Variants in FRYL observed in about 807,000 individuals in gnomAD.
FRYL encodes FRY like transcription coactivator.
In FRYL, 150 loss-of-function variants were observed where a neutral mutation model predicts 351.2. The ratio of observed to expected loss-of-function variants is 0.43; its 90% confidence interval spans 0.37 to 0.49. The LOEUF (loss-of-function observed/expected upper bound fraction) is 0.49, where lower values mean the gene tolerates loss of function less well. Ranked by LOEUF, FRYL falls within the 20% of genes least tolerant of loss-of-function variation. The pLI, the probability that FRYL is intolerant of heterozygous loss-of-function variation, is 0.00. For synonymous variants in FRYL, 1,153 were observed against 1,257.1 expected (o/e 0.92, Z 1.75); for missense variants, 3,036 against 3,619.3 (o/e 0.84, Z 4.13).
chr4:48,575,537 T>C (rs1156929741), intron 24 of FRYL, among the ~76,000 whole-genome samples: 2 of 152,214 alleles, frequency 1.3e-5, no homozygotes, highest in Non-Finnish European at 2.9e-5. Flanking sequence ...TCCATGAACA[T>C]GAAGAAAACA....
Position 48,696,237 on chromosome 4 carries a change from C to T in FRYL, c.-203-11442G>A, listed in dbSNP as rs376897116. 1.1e-4 allele frequency among the ~76,000 whole-genome samples: 17 copies of T among 152,194 alleles called. 1 individual carries two copies. In the South Asian group the frequency reaches 1.7e-3, roughly 15 times the overall value. ...AAAGACACATGCACACATATGTTTA[C>T]TGCAGCACTATTTACAATAGCAAAG... is the stretch of plus-strand genomic sequence containing the variant. On this transcript the variant is annotated intron_variant, in intron 2 of 63. Transcript: ENST00000358350.
rs36223183 is a variant in FRYL at position 48,645,124 on chromosome 4, TTATA to T, written c.-80-10638_-80-10635del. ...ATTAAACCAGCAGTGAGCTTTCATT[TTATA>T]TATATATATATATATATATATATAT... On this transcript the variant is annotated intron_variant, in intron 3 of 63. Coordinates refer to ENST00000358350, the MANE Select transcript of FRYL (RefSeq NM_015030.2). 3.4e-3 allele frequency among the ~76,000 whole-genome samples: 357 copies of T among 105,466 alleles called. 31 individuals carry two copies. The highest frequency in any genetic ancestry group is 7.7e-3 in the South Asian group (27 of 3,514). The allele number at this position is 105,466 out of a possible 152,430, so 69.2% of individuals were successfully genotyped here. A position where few individuals can be genotyped will look rare whatever the true frequency, so the allele number is the denominator to read the frequency against.
At chr4:48,581,707 C>T in intron 20 of FRYL, 102 bp from the exon 21 acceptor site, 1 of 920,230 alleles carries the variant, frequency 1.1e-6, no homozygotes, top group Non-Finnish European at 1.6e-6. Context: ...ATTATGACTA[C>T]CGGTCTGCCT....
chr4:48,674,051 A>G (rs1469361869), intron 3 of FRYL, among the ~76,000 whole-genome samples: 2 of 152,210 alleles, frequency 1.3e-5, no homozygotes, highest in East Asian at 3.8e-4. Context: ...TCTGTTCTTG[A>G]TGAATTTTAT....
At chr4:48,716,417 A>G (rs1313381760) in intron 1 of FRYL, among the ~76,000 whole-genome samples, 1 of 151,654 alleles carries the variant, frequency 6.6e-6, no homozygotes, top group Non-Finnish European at 1.5e-5. Context: ...ATGAACTCCA[A>G]CAAATTTACA....
chr4:48,738,579 C>T (rs6814811), intron 1 of FRYL, among the ~76,000 whole-genome samples: 76,692 of 151,760 alleles, frequency 0.51, 19,773 homozygotes, highest in South Asian at 0.61. Flanking sequence ...CTCACTGTAA[C>T]CTCAAGCTAC....
chr4:48,706,225 CA>C (rs1310919349), intron 2 of FRYL, among the ~76,000 whole-genome samples: 1 of 152,180 alleles, frequency 6.6e-6, no homozygotes, highest in Non-Finnish European at 1.5e-5. Flanking sequence ...TTATTCACAA[CA>C]GCCAAAATGT....
intron 7 of FRYL, among the ~76,000 whole-genome samples, chr4:48,612,924 T>A (rs1578350299): frequency 6.6e-6 from 1 of 152,254 alleles, no homozygotes; most frequent in East Asian, 1.9e-4. Context: ...TTGTTGTAAA[T>A]CTTTTACTGT....
intron 25 of FRYL, among the ~76,000 whole-genome samples, chr4:48,574,193 T>C (rs1223836625): frequency 6.6e-6 from 1 of 152,118 alleles, no homozygotes; most frequent in African/African-American, 2.4e-5. Flanking sequence ...TGAAAAAACA[T>C]AAGAAGAAAA....
chr4:48,621,215 G>A (rs532096903), intron 5 of FRYL, among the ~76,000 whole-genome samples: 1 of 152,200 alleles, frequency 6.6e-6, no homozygotes, highest in Non-Finnish European at 1.5e-5. Flanking sequence ...ACTACATTAT[G>A]TAAGAACTGT....
chr4:48,779,314 C>G (rs1273659860), intron 1 of FRYL, among the ~76,000 whole-genome samples: 2 of 152,218 alleles, frequency 1.3e-5, no homozygotes, highest in Non-Finnish European at 2.9e-5. Flanking sequence ...AATCTACAGG[C>G]CGAGTCAGCT....
chr4:48,562,213 A>C (rs576541727), intron 32 of FRYL, among the ~76,000 whole-genome samples: 32 of 152,282 alleles, frequency 2.1e-4, no homozygotes, highest in Admixed American at 1.6e-3. Flanking sequence ...TAAGTGAAAA[A>C]AAAAAACCCT....
In FRYL at chr4:48,508,525, G is replaced by T. The variant is rs185048306; in HGVS notation, c.8394+1534C>A. ...TTTCCTATTATAAATGGTATCTATT[G>T]CTTTAAAACCAACCACCCTAAAACT... On this transcript the variant is annotated intron_variant, in intron 59 of 63. Coordinates refer to ENST00000358350, the MANE Select transcript of FRYL (RefSeq NM_015030.2). 1.1e-3 allele frequency among the ~76,000 whole-genome samples: 168 copies of T among 152,188 alleles called. 1 individual carries two copies. Among genetic ancestry groups the T allele is most frequent in the African/African-American group, 3.9e-3 (163 of 41,548 alleles).
intron 1 of FRYL, among the ~76,000 whole-genome samples, chr4:48,710,902 T>C (rs1419507789): frequency 6.6e-6 from 1 of 152,190 alleles, no homozygotes; most frequent in Non-Finnish European, 1.5e-5. Flanking sequence ...CAAATGTTCA[T>C]AGCAGCATTA....
chr4:48,702,190 T>C (rs1231870740), intron 2 of FRYL, among the ~76,000 whole-genome samples: 1 of 152,092 alleles, frequency 6.6e-6, no homozygotes, highest in East Asian at 1.9e-4. Flanking sequence ...GTATGGTGGC[T>C]CATGCCTGTA....
At chr4:48,541,734 G>T (rs1212443318) in intron 45 of FRYL, among the ~76,000 whole-genome samples, 3 of 152,144 alleles carry the variant, frequency 2.0e-5, no homozygotes, top group African/African-American at 7.2e-5. Context: ...GAGCCTTAAG[G>T]CTCCCAGACA....
At chr4:48,708,618 T>C (rs1166848860) in intron 2 of FRYL, among the ~76,000 whole-genome samples, 1 of 152,194 alleles carries the variant, frequency 6.6e-6, no homozygotes, top group Non-Finnish European at 1.5e-5. Flanking sequence ...CAAAAGATTA[T>C]AAACAATCCA....
At chr4:48,628,431 C>CGTGTGT (rs397993302) in intron 4 of FRYL, among the ~76,000 whole-genome samples, 2,518 of 144,722 alleles carry the variant, frequency 0.017, 48 homozygotes, top group East Asian at 0.078. Flanking sequence ...CCTTCATTTG[C>CGTGTGT]GTGTGTGTGT....
chr4:48,711,035 T>C lies in FRYL; in HGVS notation c.-383-337A>G, dbSNP rs143163109. On this transcript the variant is annotated intron_variant, in intron 1 of 63. Coordinates refer to ENST00000358350, the MANE Select transcript of FRYL (RefSeq NM_015030.2). ...TGAAAAGGAATAAAGTACTGATACA[T>C]GCTACAACATGGATGAATCCTAAAA... is the stretch of plus-strand genomic sequence containing the variant. Among the ~76,000 whole-genome samples the C allele has an allele frequency of 3.3e-5, 5 of 152,288 alleles. No homozygotes were observed. The East Asian group carries it at 9.7e-4, about 29-fold the overall frequency.
Sources: allele counts gnomAD v4.1 joint callset (sites outside exome capture counted in the v4.1 genomes callset), GRCh38; gene constraint gnomAD v4.1.1; transcripts MANE v1.5; gene names NCBI Gene and HGNC (gene_info 2026-07-23, HGNC 2026-07-21).